Variants in ARMH3 observed in about 807,000 individuals in gnomAD.
ARMH3 encodes armadillo like helical domain containing 3, also known as armadillo-like helical domain-containing protein 3.
Under a neutral mutation model 99.1 loss-of-function variants are expected in ARMH3, and 60 were observed. That is an observed-to-expected ratio of 0.61 (90% confidence interval 0.49 to 0.75). The LOEUF is 0.75. ARMH3 is among the 30% of genes least tolerant of loss of function. The pLI is 0.00. For missense variants in ARMH3, 679 were observed against 843.1 expected (o/e 0.81, Z 2.41); for synonymous variants, 285 against 292.8 (o/e 0.97, Z 0.27).
Position 101,939,855 on chromosome 10 carries a change from T to G in ARMH3, c.1781+8A>C, listed in dbSNP as rs753851354. ...GGAACTCTGCAAGAGATACTTCTCA[T>G]TCCTTACCTGATATTAACCAATGCA... On this transcript the variant is annotated splice_region_variant and intron_variant, in intron 23 of 25. Transcript: ENST00000370033. The G allele has an allele frequency of 2.5e-5, 41 of 1,612,590 alleles. No individual in the cohort carries two copies. In the South Asian group the frequency reaches 4.1e-4, roughly 16 times the overall value.
intron 24 of ARMH3, 128 bp from the exon 25 acceptor site, chr10:101,850,020 T>G: frequency 1.4e-6 from 1 of 712,558 alleles, no homozygotes; most frequent in Non-Finnish European, 2.3e-6. Flanking sequence ...GCTTATTACT[T>G]ATCTTCCAGA....
At chr10:101,881,551 G>A (rs1369948755) in intron 24 of ARMH3, among the ~76,000 whole-genome samples, 5 of 151,956 alleles carry the variant, frequency 3.3e-5, no homozygotes, top group East Asian at 1.9e-4. Flanking sequence ...GACATGTGTG[G>A]GGTTTTTTTT....
chr10:101,927,180 A>T (rs1234767487), intron 23 of ARMH3, among the ~76,000 whole-genome samples: 2 of 152,226 alleles, frequency 1.3e-5, no homozygotes, highest in Non-Finnish European at 2.9e-5. Flanking sequence ...AGACACCCAT[A>T]AAAAGTTAAA....
rs547580217 is a variant in ARMH3, at chr10:101,939,911, T to G, written c.1733A>C (p.Gln578Pro). The G allele has an allele frequency of 6.2e-7, 1 of 1,613,738 alleles. No homozygotes were observed. Among genetic ancestry groups the G allele is most frequent in the Admixed American group, 1.7e-5 (1 of 60,020 alleles). ...MVLRLSTNAG[Q>P]WKEAASKVTH... ...CACCTTGCTAGCTGCTTCCTTCCAC[T>G]GGCCTGCATTGGTAGAAAGCCTCAG... The change falls in exon 23 of 26, where the codon CAG becomes CCG. Residue 578 changes from glutamine (Q) to proline (P), a missense_variant. Coordinates refer to ENST00000370033, the MANE Select transcript of ARMH3 (RefSeq NM_024541.3).
At chr10:102,037,622 G>A (rs2067308482) in intron 2 of ARMH3, among the ~76,000 whole-genome samples, 1 of 151,990 alleles carries the variant, frequency 6.6e-6, no homozygotes, top group Admixed American at 6.6e-5. Flanking sequence ...CACCCAGGCT[G>A]GATGCAATGG....
At chr10:101,860,652 C>A (rs1346658225) in intron 24 of ARMH3, among the ~76,000 whole-genome samples, 3 of 152,130 alleles carry the variant, frequency 2.0e-5, no homozygotes, top group Non-Finnish European at 4.4e-5. Flanking sequence ...TCAACTAGGT[C>A]AGACAAAAAT....
chr10:101,919,635 T>C (rs1843226296), intron 23 of ARMH3, among the ~76,000 whole-genome samples: 2 of 152,184 alleles, frequency 1.3e-5, no homozygotes, highest in African/African-American at 4.8e-5. Flanking sequence ...ACTGACCTGC[T>C]TGATCTCCAA....
intron 8 of ARMH3, among the ~76,000 whole-genome samples, chr10:102,019,263 G>A (rs907942661): frequency 7.9e-5 from 12 of 151,902 alleles, no homozygotes; most frequent in African/African-American, 2.7e-4. Context: ...TGGCCAGGCT[G>A]GTCTCAAACT....
intron 19 of ARMH3, among the ~76,000 whole-genome samples, chr10:101,986,740 T>C (rs1181458542): frequency 1.3e-5 from 2 of 152,286 alleles, no homozygotes; most frequent in African/African-American, 2.4e-5. Context: ...GAAGTTCACC[T>C]GATAAGGACT....
chr10:101,954,018 CCT>C (rs749552106), intron 22 of ARMH3, among the ~76,000 whole-genome samples: 1 of 152,052 alleles, frequency 6.6e-6, no homozygotes, highest in East Asian at 1.9e-4. Flanking sequence ...ATGGCGAAAC[CCT>C]GTCTCTACTA....
intron 20 of ARMH3, among the ~76,000 whole-genome samples, chr10:101,966,285 G>GTTT (rs34196495): frequency 1.4e-4 from 11 of 80,656 alleles, no homozygotes; most frequent in African/African-American, 2.8e-4. Flanking sequence ...TTTGGTTTGG[G>GTTT]TTTTTTTTTT....
intron 19 of ARMH3, among the ~76,000 whole-genome samples, chr10:101,985,144 T>C (rs527429457): frequency 9.8e-4 from 148 of 150,632 alleles, no homozygotes; most frequent in Non-Finnish European, 1.8e-3. Flanking sequence ...TGTGTACATA[T>C]ATAAATATAA....
At chr10:101,909,522 G>A (rs1230799032) in intron 23 of ARMH3, among the ~76,000 whole-genome samples, 1 of 139,564 alleles carries the variant, frequency 7.2e-6, no homozygotes, top group Non-Finnish European at 1.5e-5. Flanking sequence ...AGGCTAGGGT[G>A]CAGTGGCACA....
intron 23 of ARMH3, among the ~76,000 whole-genome samples, chr10:101,917,472 A>G (rs1450602545): frequency 6.6e-6 from 1 of 152,318 alleles, no homozygotes; most frequent in Non-Finnish European, 1.5e-5. Context: ...CATTATATAG[A>G]TGTACCATAG....
intron 14 of ARMH3, among the ~76,000 whole-genome samples, chr10:102,005,555 G>A (rs1394677595): frequency 2.0e-5 from 3 of 152,220 alleles, no homozygotes; most frequent in Non-Finnish European, 2.9e-5. Context: ...TTAAAGGAGA[G>A]AAAGAATAAA....
chr10:101,875,692 A>G (rs1040785592), intron 24 of ARMH3, among the ~76,000 whole-genome samples: 6 of 152,186 alleles, frequency 3.9e-5, no homozygotes, highest in Non-Finnish European at 8.8e-5. Context: ...AGCAAGGTGA[A>G]GCAGATAATG....
chr10:101,957,561 T>G (rs1845095908), intron 21 of ARMH3, 89 bp downstream of exon 21: 3 of 1,410,132 alleles, frequency 2.1e-6, no homozygotes, highest in African/African-American at 1.5e-5. Flanking sequence ...TATGGCTTAG[T>G]CCCCAGACCA....
intron 22 of ARMH3, among the ~76,000 whole-genome samples, chr10:101,941,181 G>T (rs1416549277): frequency 6.6e-6 from 1 of 152,186 alleles, no homozygotes; most frequent in Non-Finnish European, 1.5e-5. Flanking sequence ...ATGTAGAGAA[G>T]TAACTACAAG....
At position 101,944,357 on chromosome 10, in the gene ARMH3, C is replaced by CA. The variant is rs1342564379; in HGVS notation, c.1706-4420dup. ...CAAACTGAGAACAGAAGAGCAGGGT[C>CA]AAAAAATTTGAAGAAATTATAGCCA... On this transcript the variant is annotated intron_variant, in intron 22 of 25. Transcript: ENST00000370033. Among the ~76,000 whole-genome samples, 9 of 128,532 alleles carry CA rather than the reference C, an allele frequency of 7.0e-5. No homozygotes were observed. The Admixed American group carries it at 7.3e-4, about 10-fold the overall frequency. The allele number at this position is 128,532 out of a possible 152,430, so 84.3% of individuals were successfully genotyped here. A position where few individuals can be genotyped will look rare whatever the true frequency, so the allele number is the denominator to read the frequency against.
Sources: gnomAD v4.1 joint callset for allele counts (sites outside exome capture counted in the v4.1 genomes callset) on GRCh38, gnomAD v4.1.1 for gene constraint, MANE v1.5 for transcripts, NCBI Gene and HGNC (gene_info 2026-07-23, HGNC 2026-07-21) for gene names.